The following SLC38A6 variants were observed in gnomAD, a reference collection of about 807,000 sequenced individuals.
SLC38A6 encodes the protein N system amino acid transporter NAT-1.
SLC38A6 carries 73 observed loss-of-function variants against 65.0 expected under a neutral mutation model. The ratio of observed to expected loss-of-function variants is 1.12; its 90% CI spans 0.93 to 1.37. The LOEUF (loss-of-function observed/expected upper bound fraction) is 1.37, where lower values mean the gene tolerates loss of function less well. Among genes scored for constraint, SLC38A6 ranks in the 40% most tolerant of loss-of-function variants. The pLI is 0.00. For missense variants in SLC38A6, 561 were observed against 531.1 expected, an observed-to-expected ratio of 1.06 and a Z score of -0.55; for synonymous variants, 183 against 178.8, an observed-to-expected ratio of 1.02 and a Z score of -0.19.
intron 3 of SLC38A6, among the ~76,000 whole-genome samples, chr14:60,990,912 G>C (rs539963831): frequency 6.6e-6 from 1 of 152,102 alleles, no homozygotes; most frequent in East Asian, 1.9e-4. Flanking sequence ...TCCAACACCA[G>C]CTCAAGCAAT....
intron 6 of SLC38A6, among the ~76,000 whole-genome samples, chr14:61,032,279 C>A (rs750457346): frequency 6.6e-6 from 1 of 150,752 alleles, no homozygotes; most frequent in Non-Finnish European, 1.5e-5. Flanking sequence ...TGTCATATGT[C>A]GGTGGAAAGA....
intron 3 of SLC38A6, chr14:60,987,157 G>C (rs1374852429): frequency 3.6e-6 from 1 of 274,050 alleles, no homozygotes; most frequent in Non-Finnish European, 7.0e-6. Flanking sequence ...TCTCTGTGGA[G>C]GTAGGCTTTT....
At chr14:61,036,191 C>T (rs2139712537) in intron 6 of SLC38A6, among the ~76,000 whole-genome samples, 1 of 152,136 alleles carries the variant, frequency 6.6e-6, no homozygotes, top group South Asian at 2.1e-4. Flanking sequence ...TCAAAATTAT[C>T]ATGCTATATA....
chr14:61,013,489 T>C (rs543960443), intron 3 of SLC38A6, among the ~76,000 whole-genome samples: 2 of 152,348 alleles, frequency 1.3e-5, no homozygotes, highest in South Asian at 4.1e-4. Context: ...TTGATGGTCT[T>C]CACAATTTGG....
At chr14:60,988,334 A>G (rs550604200) in intron 3 of SLC38A6, among the ~76,000 whole-genome samples, 3 of 152,260 alleles carry the variant, frequency 2.0e-5, no homozygotes, top group African/African-American at 4.8e-5. Flanking sequence ...ATTGTCATCT[A>G]TAGACTCCTA....
chr14:61,016,074 A>G (rs1195594051), intron 4 of SLC38A6, 118 bp downstream of exon 4: 1 of 621,710 alleles, frequency 1.6e-6, no homozygotes, highest in East Asian at 2.9e-5. Context: ...AAAGGAAACT[A>G]AAGTGAGAAA....
chr14:61,040,287 T>C (rs761304583), intron 8 of SLC38A6, among the ~76,000 whole-genome samples: 4 of 151,502 alleles, frequency 2.6e-5, no homozygotes, highest in Non-Finnish European at 5.9e-5. Context: ...TTCTTCTGCC[T>C]CAGCTTCCTG....
At chr14:61,038,061 CTT>C (rs2041523288) in intron 8 of SLC38A6, among the ~76,000 whole-genome samples, 1 of 152,026 alleles carries the variant, frequency 6.6e-6, no homozygotes, top group Admixed American at 6.6e-5. Context: ...AATTTTGAAA[CTT>C]TATTCCATTA....
chr14:60,994,283 C>T (rs1031291777), intron 3 of SLC38A6, among the ~76,000 whole-genome samples: 6 of 152,250 alleles, frequency 3.9e-5, no homozygotes, highest in African/African-American at 1.4e-4. Context: ...CCTTGGCTCA[C>T]GCCTGTAATC....
rs1287123625 is a variant in SLC38A6 at position 61,051,799 on chromosome 14, G to A, written c.1063G>A (p.Val355Ile). ...PLIHFPARKA[V>I]TMMFFSNFPF... is the part of the protein sequence containing the mutation. ...TTCTGTAATACAGGCCAGAAAAGCT[G>A]TAACAATGATGTTTTTCTCCAATTT... Residue 355 changes from valine to isoleucine, a missense_variant, in exon 14 of 16, where the codon GTA (valine) becomes ATA (isoleucine). By Grantham distance (29) the Val-to-Ile change is conservative (BLOSUM62 3). Transcript: ENST00000267488. 1.9e-6 allele frequency: 3 copies of A among 1,611,608 alleles called. No homozygotes were observed. Among genetic ancestry groups the A allele is most frequent in the Non-Finnish European group, 2.5e-6 (3 of 1,179,240 alleles).
chr14:61,050,499 A>G lies in SLC38A6; in HGVS notation c.926-13A>G. 2 of 1,481,672 alleles carry G rather than the reference A, an allele frequency of 1.3e-6. No individual in the cohort carries two copies. Among genetic ancestry groups the G allele is most frequent in the African/African-American group, 1.4e-5 (1 of 72,322 alleles). 91.8% of individuals were successfully genotyped at this position (1,481,672 alleles called of 1,614,324 possible). A position where few individuals can be genotyped will look rare whatever the true frequency, so the allele number is the denominator to read the frequency against. ...AGTACTTTATAATGTGATCCTTATT[A>G]TTTTATTTACAGACAAAGTGGAGTC... On this transcript the variant is annotated splice_polypyrimidine_tract_variant and intron_variant, in intron 12 of 15. Transcript: ENST00000267488.
chr14:61,030,297 G>A (rs201399925), intron 5 of SLC38A6, 148 bp from the exon 6 acceptor site: 45 of 464,280 alleles, frequency 9.7e-5, no homozygotes, highest in Middle Eastern at 1.1e-3. Flanking sequence ...GTGTGTGTGT[G>A]TGTATGTATC....
intron 3 of SLC38A6, among the ~76,000 whole-genome samples, chr14:60,985,702 C>G (rs915019432): frequency 6.6e-6 from 1 of 152,086 alleles, no homozygotes. Flanking sequence ...AAAAGAATAC[C>G]TGAGGCTGCA....
chr14:61,070,457 G>C (rs2043191889), intron 15 of SLC38A6, among the ~76,000 whole-genome samples: 1 of 152,174 alleles, frequency 6.6e-6, no homozygotes. Flanking sequence ...CCATGAATCT[G>C]CCAATAGACA....
intron 15 of SLC38A6, among the ~76,000 whole-genome samples, chr14:61,069,875 T>C (rs1432281937): frequency 2.0e-5 from 3 of 152,110 alleles, no homozygotes; most frequent in African/African-American, 7.2e-5. Flanking sequence ...TTTTACAACT[T>C]TCTGTGTTCT....
chr14:61,045,460 G>A (rs1239467517), intron 11 of SLC38A6, 35 bp downstream of exon 11: 1 of 1,499,182 alleles, frequency 6.7e-7, no homozygotes, highest in Non-Finnish European at 9.2e-7. Context: ...TAAATATATT[G>A]TGTATCTTTT....
chr14:61,019,507 C>T, intron 4 of SLC38A6, 34 bp from the exon 5 acceptor site: 1 of 1,607,366 alleles, frequency 6.2e-7, no homozygotes, highest in East Asian at 2.2e-5. Context: ...ATTGTTTCCC[C>T]TTCTATCTTC....
chr14:61,020,869 C>G (rs2040309188), intron 5 of SLC38A6, among the ~76,000 whole-genome samples: 1 of 152,080 alleles, frequency 6.6e-6, no homozygotes, highest in Non-Finnish European at 1.5e-5. Context: ...ATTCTAAGAA[C>G]TATCACATAT....
chr14:60,995,772 A>T (rs1349593355), intron 3 of SLC38A6, among the ~76,000 whole-genome samples: 3 of 152,296 alleles, frequency 2.0e-5, no homozygotes, highest in African/African-American at 7.2e-5. Context: ...AAAACAAAAA[A>T]ATCTGAAAAG....
Sources: gnomAD v4.1 joint callset for allele counts (sites outside exome capture counted in the v4.1 genomes callset) on GRCh38, gnomAD v4.1.1 for gene constraint, MANE v1.5 for transcripts, NCBI Gene and HGNC (gene_info 2026-07-23, HGNC 2026-07-21) for gene names.